The following OSBPL6 variants were observed in gnomAD, a reference collection of about 807,000 sequenced individuals.
OSBPL6 encodes the protein oxysterol-binding protein-related protein 6.
In OSBPL6, 49 loss-of-function variants were observed where a neutral mutation model predicts 125.8. The ratio of observed to expected loss-of-function variants is 0.39; its 90% CI spans 0.31 to 0.49. The LOEUF (loss-of-function observed/expected upper bound fraction) is 0.49. OSBPL6 is among the 20% of genes least tolerant of loss of function. The probability of loss-of-function intolerance (pLI) is 0.88; values close to 1 mark genes in which losing one functional copy is unlikely to be tolerated. For missense variants in OSBPL6, 986 were observed against 1,135.4 expected (o/e 0.87, Z 1.89); for synonymous variants, 394 against 391.8 (o/e 1.01, Z -0.07).
intron 1 of OSBPL6, among the ~76,000 whole-genome samples, chr2:178,212,485 C>A (rs1271266841): frequency 6.6e-6 from 1 of 152,180 alleles, no homozygotes; most frequent in Non-Finnish European, 1.5e-5. Flanking sequence ...GTGAGCCTTA[C>A]AATTAATTGC....
intron 2 of OSBPL6, among the ~76,000 whole-genome samples, chr2:178,303,268 T>G (rs1476084046): frequency 1.3e-5 from 2 of 152,166 alleles, no homozygotes; most frequent in East Asian, 3.9e-4. Flanking sequence ...AGTCTCCCAG[T>G]TTGGAGGGAA....
At chr2:178,336,266 T>A in intron 8 of OSBPL6, 35 bp from the exon 9 acceptor site, 1 of 1,607,924 alleles carries the variant, frequency 6.2e-7, no homozygotes, top group Admixed American at 1.7e-5. Context: ...AATGTACTGT[T>A]TCATAACCAT....
rs1470979587 is a variant in OSBPL6 at position 178,285,080 on chromosome 2, A to C, written c.-197A>C. The C allele has an allele frequency of 1.0e-5, 4 of 398,398 alleles. No individual in the cohort carries two copies. Among genetic ancestry groups the C allele is most frequent in the Admixed American group, 4.4e-5 (1 of 22,714 alleles). The allele number at this position is 398,398 out of a possible 1,614,324, so 24.7% of individuals were successfully genotyped here. A position where few individuals can be genotyped will look rare whatever the true frequency, so the allele number is the denominator to read the frequency against. On this transcript the variant is annotated 5_prime_UTR_variant, in exon 2 of 25. Coordinates refer to ENST00000190611, the MANE Select transcript of OSBPL6 (RefSeq NM_032523.4). Reference sequence around the variant, plus strand: ...GATAAATCACTGTGAAACAGCTTTGACCATAAAGCTGACTTGGAAGACTTT... The same window carrying C: ...GATAAATCACTGTGAAACAGCTTTGCCCATAAAGCTGACTTGGAAGACTTT...
At chr2:178,290,145 C>G (rs574884563) in intron 2 of OSBPL6, among the ~76,000 whole-genome samples, 1 of 152,312 alleles carries the variant, frequency 6.6e-6, no homozygotes, top group Non-Finnish European at 1.5e-5. Flanking sequence ...CCCACCCCAT[C>G]CTATTATTCC....
At chr2:178,369,504 ACC>A (rs1693177847) in intron 13 of OSBPL6, among the ~76,000 whole-genome samples, 1 of 152,086 alleles carries the variant, frequency 6.6e-6, no homozygotes, top group South Asian at 2.1e-4. Flanking sequence ...ATTTAATACA[ACC>A]CCAGAAAGGT....
intron 1 of OSBPL6, among the ~76,000 whole-genome samples, chr2:178,250,912 G>A (rs781219142): frequency 4.6e-5 from 7 of 151,022 alleles, no homozygotes; most frequent in Non-Finnish European, 8.8e-5. Context: ...ATGCACCCTT[G>A]AACCTCAACT....
At chr2:178,392,635 C>A in intron 23 of OSBPL6, 97 bp downstream of exon 23, 2 of 1,448,002 alleles carry the variant, frequency 1.4e-6, no homozygotes, top group South Asian at 1.4e-5. Flanking sequence ...GAGGGAAGAT[C>A]ACTTGAGGTC....
At chr2:178,271,558 T>G (rs1486521111) in intron 1 of OSBPL6, among the ~76,000 whole-genome samples, 1 of 152,186 alleles carries the variant, frequency 6.6e-6, no homozygotes, top group Non-Finnish European at 1.5e-5. Context: ...TGTTACAGAT[T>G]ATGCAAACCT....
chr2:178,338,201 G>A (rs768681449), intron 9 of OSBPL6, among the ~76,000 whole-genome samples: 3 of 152,140 alleles, frequency 2.0e-5, no homozygotes, highest in African/African-American at 7.2e-5. Context: ...CCGACGTGCT[G>A]GGATTACAGG....
chr2:178,363,765 G>A (rs1692566196), intron 13 of OSBPL6, among the ~76,000 whole-genome samples: 2 of 152,180 alleles, frequency 1.3e-5, no homozygotes, highest in Non-Finnish European at 2.9e-5. Flanking sequence ...TAAAGTTAGA[G>A]CCTCAATAGA....
intron 9 of OSBPL6, among the ~76,000 whole-genome samples, chr2:178,338,512 T>C (rs1296189239): frequency 1.3e-5 from 2 of 152,232 alleles, no homozygotes; most frequent in Admixed American, 6.5e-5. Context: ...CATTTCAACA[T>C]TGTTAGTGAG....
chr2:178,259,104 T>C (rs2091975976), intron 1 of OSBPL6, among the ~76,000 whole-genome samples: 1 of 152,180 alleles, frequency 6.6e-6, no homozygotes, highest in Admixed American at 6.5e-5. Context: ...TGAAGGTTGT[T>C]GTTGGAGGAG....
At chr2:178,375,716 C>T (rs1485175992) in intron 15 of OSBPL6, among the ~76,000 whole-genome samples, 1 of 152,144 alleles carries the variant, frequency 6.6e-6, no homozygotes, top group Non-Finnish European at 1.5e-5. Flanking sequence ...AGCCACTGCG[C>T]CCGACCCCTT....
chr2:178,265,191 C>CTTTTTTTTTTTTTTTT (rs376718500), intron 1 of OSBPL6, among the ~76,000 whole-genome samples: 1 of 33,674 alleles, frequency 3.0e-5, no homozygotes, highest in Non-Finnish European at 6.6e-5. Flanking sequence ...CCAGACGAGA[C>CTTTTTTTTTTTTTTTT]TTTTTTTTTT....
intron 15 of OSBPL6, 97 bp from the exon 16 acceptor site, chr2:178,382,323 C>T (rs902387241): frequency 4.9e-6 from 7 of 1,422,986 alleles, no homozygotes; most frequent in Non-Finnish European, 6.5e-6. Flanking sequence ...CTCTGCTTCT[C>T]ACTGGAACAA....
intron 3 of OSBPL6, among the ~76,000 whole-genome samples, chr2:178,313,373 T>C (rs1687458609): frequency 6.6e-6 from 1 of 152,222 alleles, no homozygotes; most frequent in Non-Finnish European, 1.5e-5. Context: ...ACTATGGCTC[T>C]GAGAATGTAG....
intron 11 of OSBPL6, among the ~76,000 whole-genome samples, chr2:178,344,566 A>G (rs113476473): frequency 1.3e-5 from 2 of 152,190 alleles, no homozygotes; most frequent in South Asian, 2.1e-4. Context: ...GAGAACTATT[A>G]TATAATCTAG....
Position 178,382,440 on chromosome 2 carries a change from C to T in OSBPL6, c.1554C>T (p.Tyr518=), listed in dbSNP as rs1430455369. ...SENEASDDES[Y]ISDVSDNISE... is the part of the protein sequence containing the mutation. ...CTTAGGCTTCAGATGATGAGTCTTA[C>T]ATCAGTGATGTGAGTGATAATATAT... is the stretch of plus-strand genomic sequence containing the variant. Residue 518 remains tyrosine, a synonymous_variant, in exon 16 of 25, where the codon TAC becomes TAT. Transcript: ENST00000190611. 9 of 1,612,732 alleles carry T rather than the reference C, an allele frequency of 5.6e-6. No homozygotes were observed. The highest frequency in any genetic ancestry group is 7.6e-6 in the Non-Finnish European group (9 of 1,179,350).
At chr2:178,337,028 T>G (rs1220255275) in intron 9 of OSBPL6, among the ~76,000 whole-genome samples, 1 of 152,212 alleles carries the variant, frequency 6.6e-6, no homozygotes, top group Admixed American at 6.5e-5. Flanking sequence ...TCTCTCATAC[T>G]GCCATCTCTG....
Sources: allele counts gnomAD v4.1 joint callset (sites outside exome capture counted in the v4.1 genomes callset), GRCh38; gene constraint gnomAD v4.1.1; transcripts MANE v1.5; gene names NCBI Gene and HGNC (gene_info 2026-07-23, HGNC 2026-07-21).